Variants in AQP5 observed in about 807,000 individuals in gnomAD.
AQP5 encodes aquaporin 5.
A neutral mutation model predicts 19.1 loss-of-function variants in AQP5; 15 were observed. The observed-to-expected ratio is 0.79, with a 90% CI of 0.53 to 1.21. The LOEUF is 1.21. Ranked by LOEUF, AQP5 falls within the 50% of genes most tolerant of loss-of-function variation. AQP5 has a pLI of 0.00. For missense variants in AQP5, 355 were observed against 357.1 expected (o/e 0.99, Z 0.05); for synonymous variants, 182 against 160.3 (o/e 1.14, Z -1.02).
chr12:49,965,479 G>A lies in AQP5; in HGVS notation c.*302G>A. 8.2e-6 allele frequency: 2 copies of A among 243,440 alleles called. No homozygotes were observed. Among genetic ancestry groups the A allele is most frequent in the Non-Finnish European group, 1.6e-5 (2 of 127,098 alleles). The allele number at this position is 243,440 out of a possible 1,614,324, so 15.1% of individuals were successfully genotyped here. A position where few individuals can be genotyped will look rare whatever the true frequency, so the allele number is the denominator to read the frequency against. On this transcript the variant is annotated 3_prime_UTR_variant, in exon 4 of 4. Transcript: ENST00000293599. ...CCAGAAAAGGGCGGGCCTGCAGCCT[G>A]CACCCCCCACCTTCCCCAACCCTTC...
intron 3 of AQP5, chr12:49,964,590 G>C: frequency 3.1e-6 from 3 of 952,884 alleles, no homozygotes; most frequent in Non-Finnish European, 3.7e-6. Flanking sequence ...CAGTCTGTCT[G>C]CCCCCCCTTT....
At chr12:49,963,358 G>C in intron 1 of AQP5, 134 bp from the exon 2 acceptor site, 1 of 1,200,146 alleles carries the variant, frequency 8.3e-7, no homozygotes, top group Non-Finnish European at 1.2e-6. Flanking sequence ...CTTCGCTGGG[G>C]CGATGTCCAC....
At position 49,962,525 on chromosome 12, in the gene AQP5, G is replaced by C. The variant is rs1947440361; in HGVS notation, c.363+145G>C. The C allele has an allele frequency of 3.1e-6, 4 of 1,272,616 alleles. No homozygotes were observed. The South Asian group carries it at 4.7e-5, about 15-fold the overall frequency. 78.8% of individuals were successfully genotyped at this position (1,272,616 alleles called of 1,614,324 possible). A position where few individuals can be genotyped will look rare whatever the true frequency, so the allele number is the denominator to read the frequency against. On this transcript the variant is annotated intron_variant, in intron 1 of 3. Transcript: ENST00000293599. ...GAAGGCAAGAGCCTCCCAAGGCCAG[G>C]AAGGCAACTCTCCAGGCTGATATGT...
Position 49,963,552 on chromosome 12 carries a change from C to A in AQP5, c.424C>A (p.Leu142Met), listed in dbSNP as rs1040491324. ...MVVELILTFQLALCIFASTDS... is the reference protein window; with the variant it reads ...MVVELILTFQMALCIFASTDS... Reference sequence around the variant, plus strand: ...GGTGGAGCTGATTCTGACCTTCCAGCTGGCACTCTGCATCTTCGCCTCCAC... The same window carrying A: ...GGTGGAGCTGATTCTGACCTTCCAGATGGCACTCTGCATCTTCGCCTCCAC... The change falls in exon 2 of 4, where the codon CTG becomes ATG. Residue 142 changes from leucine to methionine, a missense_variant. By Grantham distance (15) the Leu-to-Met change is conservative. Coordinates refer to ENST00000293599, the MANE Select transcript of AQP5 (RefSeq NM_001651.4). The A allele has an allele frequency of 5.6e-6, 9 of 1,613,814 alleles. No individual in the cohort carries two copies. Among genetic ancestry groups the A allele is most frequent in the Non-Finnish European group, 7.6e-6 (9 of 1,180,040 alleles).
rs774852173 is a variant in AQP5 at position 49,962,396 on chromosome 12, G to C, written c.363+16G>C. 1.2e-5 allele frequency: 17 copies of C among 1,470,882 alleles called. 1 individual carries two copies. The South Asian group carries it at 1.3e-4, about 11-fold the overall frequency. 91.1% of individuals were successfully genotyped at this position (1,470,882 alleles called of 1,614,324 possible). ...CGTCAACGCGGTGAGTGCCCTGGGG[G>C]GGGGGTGGGAGCCTCGACCCTGGGG... is the stretch of plus-strand genomic sequence containing the variant. On this transcript the variant is annotated intron_variant, in intron 1 of 3. Coordinates refer to ENST00000293599, the MANE Select transcript of AQP5 (RefSeq NM_001651.4).
intron 1 of AQP5, 89 bp downstream of exon 1, chr12:49,962,469 G>A (rs1947438436): frequency 1.3e-5 from 18 of 1,379,110 alleles, no homozygotes; most frequent in South Asian, 7.3e-5. Flanking sequence ...AAGGGGTGCC[G>A]CAGAGTGGGC....
At position 49,961,911 on chromosome 12, in the gene AQP5, C is replaced by T. The variant is rs1176666374; in HGVS notation, c.-107C>T. On this transcript the variant is annotated 5_prime_UTR_variant, in exon 1 of 4. Coordinates refer to ENST00000293599, the MANE Select transcript of AQP5 (RefSeq NM_001651.4). ...GGAGTGGGCGCGGGACAGTGCGCGGCGCCCCGCAGCCAGGCCCCCGCCCCC... is the reference window on the plus strand; with the variant it reads ...GGAGTGGGCGCGGGACAGTGCGCGGTGCCCCGCAGCCAGGCCCCCGCCCCC... 1.3e-4 allele frequency: 79 copies of T among 595,748 alleles called. No individual in the cohort carries two copies. The highest frequency in any genetic ancestry group is 1.7e-4 in the Non-Finnish European group (75 of 447,636). 36.9% of individuals were successfully genotyped at this position (595,748 alleles called of 1,614,324 possible).
intron 3 of AQP5, chr12:49,964,728 T>G: frequency 1.0e-6 from 1 of 985,200 alleles, no homozygotes; most frequent in Non-Finnish European, 1.2e-6. Context: ...CTCTTTCCGG[T>G]GTGGTTGGAG....
Position 49,963,566 on chromosome 12 carries a change from C to T in AQP5, c.438C>T (p.Ile146=). Reference sequence around the variant, plus strand: ...TGACCTTCCAGCTGGCACTCTGCATCTTCGCCTCCACTGACTCCCGCCGCA... The same window carrying T: ...TGACCTTCCAGCTGGCACTCTGCATTTTCGCCTCCACTGACTCCCGCCGCA... ...LILTFQLALC[I]FASTDSRRTS... Residue 146 remains isoleucine (I), a synonymous_variant, in exon 2 of 4, where the codon ATC becomes ATT. Coordinates refer to ENST00000293599, the MANE Select transcript of AQP5 (RefSeq NM_001651.4). The T allele has an allele frequency of 6.2e-7, 1 of 1,613,886 alleles. No homozygotes were observed. Among genetic ancestry groups the T allele is most frequent in the Non-Finnish European group, 8.5e-7 (1 of 1,180,044 alleles).
Position 49,965,442 on chromosome 12 carries a change from G to C in AQP5, c.*265G>C. ...GAATGCAGTGCCAAGCTCACAGGCT[G>C]CAAGGGCCAGGCCAGAAAAGGGCGG... On this transcript the variant is annotated 3_prime_UTR_variant, in exon 4 of 4. Transcript: ENST00000293599. 3.0e-6 allele frequency: 1 copy of C among 337,274 alleles called. No homozygotes were observed. The highest frequency in any genetic ancestry group is 5.3e-6 in the Non-Finnish European group (1 of 187,090). 20.9% of individuals were successfully genotyped at this position (337,274 alleles called of 1,614,324 possible).
intron 1 of AQP5, 107 bp downstream of exon 1, chr12:49,962,487 C>A: frequency 1.4e-6 from 2 of 1,434,478 alleles, no homozygotes; most frequent in Non-Finnish European, 1.8e-6. Flanking sequence ...GGCCAGCCCA[C>A]ACCCTTCACC....
intron 2 of AQP5, 39 bp downstream of exon 2, chr12:49,963,695 C>T (rs776842088): frequency 6.3e-6 from 10 of 1,595,262 alleles, no homozygotes; most frequent in African/African-American, 5.4e-5. Context: ...GAGGGTGGGG[C>T]AGGCACTCAA....
At position 49,961,900 on chromosome 12, in the gene AQP5, A is replaced by G; in HGVS notation, c.-118A>G. On this transcript the variant is annotated 5_prime_UTR_variant, in exon 1 of 4. Coordinates refer to ENST00000293599, the MANE Select transcript of AQP5 (RefSeq NM_001651.4). ...CCGCCAGCCTCGGAGTGGGCGCGGG[A>G]CAGTGCGCGGCGCCCCGCAGCCAGG... 2.1e-6 allele frequency: 1 copy of G among 482,976 alleles called. No individual in the cohort carries two copies. The highest frequency in any genetic ancestry group is 2.8e-6 in the Non-Finnish European group (1 of 355,136). The allele number at this position is 482,976 out of a possible 1,614,324, so 29.9% of individuals were successfully genotyped here.
rs781290535 is a variant in AQP5 at position 49,962,380 on chromosome 12, G to C, written c.363G>C (p.Ala121=). The C allele has an allele frequency of 1.3e-6, 2 of 1,512,040 alleles. No homozygotes were observed. Among genetic ancestry groups the C allele is most frequent in the African/African-American group, 1.7e-5 (1 of 58,686 alleles). 93.7% of individuals were successfully genotyped at this position (1,512,040 alleles called of 1,614,324 possible). ...LNARGNLAVN[A]LNNNTTQGQA... ...CCCGGGGCAATCTGGCCGTCAACGCGGTGAGTGCCCTGGGGGGGGGGTGGG... is the reference window on the plus strand; with the variant it reads ...CCCGGGGCAATCTGGCCGTCAACGCCGTGAGTGCCCTGGGGGGGGGGTGGG... Residue 121 remains alanine, a splice_region_variant and synonymous_variant, in exon 1 of 4, where the codon GCG becomes GCC. Transcript: ENST00000293599.
Position 49,965,195 on chromosome 12 carries a change from C to CCAGCCCCT in AQP5, c.*27_*34dup. The CCAGCCCCT allele has an allele frequency of 6.3e-7, 1 of 1,588,858 alleles. No individual in the cohort carries two copies. The highest frequency in any genetic ancestry group is 1.1e-5 in the South Asian group (1 of 88,410). ...CCCGCTGACCAGTGTCAGGCAGGGG[C>CCAGCCCCT]CAGCCCCTCAGCCCCTGAGCCAAGG... On this transcript the variant is annotated 3_prime_UTR_variant, in exon 4 of 4. Coordinates refer to ENST00000293599, the MANE Select transcript of AQP5 (RefSeq NM_001651.4).
Position 49,963,594 on chromosome 12 carries a change from A to G in AQP5, c.466A>G (p.Ser156Gly). The change falls in exon 2 of 4, where the codon AGC becomes GGC. Residue 156 changes from serine to glycine, a missense_variant. Physicochemically the swap from Ser to Gly is moderately conservative, Grantham distance 56 (BLOSUM62 0). Transcript: ENST00000293599. Reference protein sequence around the residue: ...IFASTDSRRTSPVGSPALSIG... With the variant: ...IFASTDSRRTGPVGSPALSIG... ...CGCCTCCACTGACTCCCGCCGCACC[A>G]GCCCTGTGGGCTCCCCAGCCCTGTC... 1.9e-6 allele frequency: 3 copies of G among 1,613,876 alleles called. No homozygotes were observed. Among genetic ancestry groups the G allele is most frequent in the Non-Finnish European group, 2.5e-6 (3 of 1,180,004 alleles).
chr12:49,962,534 T>TCCCAAGGCCAGGAAGGCAAGCGC (rs1262546880), intron 1 of AQP5, 154 bp downstream of exon 1: 1 of 974,744 alleles, frequency 1.0e-6, no homozygotes, highest in Non-Finnish European at 1.4e-6. Context: ...GGAAGGCAAC[T>TCCCAAGGCCAGGAAGGCAAGCGC]CTCCAGGCTG....
intron 2 of AQP5, chr12:49,963,860 G>C (rs141878968): frequency 1.2e-6 from 1 of 842,692 alleles, no homozygotes; most frequent in Admixed American, 2.8e-5. Flanking sequence ...GGAGTAAGTA[G>C]GAGGTGGGAT....
Position 49,965,051 on chromosome 12 carries a change from G to C in AQP5, c.672G>C (p.Leu224=), listed in dbSNP as rs557080039. 2 of 1,613,984 alleles carry C rather than the reference G, an allele frequency of 1.2e-6. No homozygotes were observed. Among genetic ancestry groups the C allele is most frequent in the South Asian group, 2.2e-5 (2 of 91,078 alleles). ...AVLAAILYFY[L]LFPNSLSLSE... ...TGGCTGCCATCCTTTACTTCTACCT[G>C]CTCTTCCCCAACTCCCTGAGCCTGA... The change falls in exon 4 of 4, where the codon CTG becomes CTC. Residue 224 remains leucine (L), a synonymous_variant. Coordinates refer to ENST00000293599, the MANE Select transcript of AQP5 (RefSeq NM_001651.4).
Sources: allele counts gnomAD v4.1 joint callset, GRCh38; gene constraint gnomAD v4.1.1; transcripts MANE v1.5; gene names NCBI Gene and HGNC (gene_info 2026-07-23, HGNC 2026-07-21).